Variants in LRRC45 observed in about 807,000 individuals in gnomAD.
The protein encoded by LRRC45 is leucine-rich repeat-containing protein 45.
LRRC45 carries 73 observed loss-of-function variants against 85.4 expected under a neutral mutation model. That is an observed-to-expected ratio of 0.85 (90% CI 0.71 to 1.04). LRRC45 has a LOEUF of 1.04. Among genes scored for constraint, LRRC45 ranks in the 50% least tolerant of loss-of-function variants. LRRC45 has a pLI of 0.00. For missense variants in LRRC45, 937 were observed against 883.3 expected, an observed-to-expected ratio of 1.06 and a Z score of -0.77; for synonymous variants, 429 against 386.0, an observed-to-expected ratio of 1.11 and a Z score of -1.31.
chr17:82,026,773 T>A, intron 5 of LRRC45, 126 bp from the exon 6 acceptor site: 1 of 653,754 alleles, frequency 1.5e-6, no homozygotes, highest in South Asian at 1.6e-5. Flanking sequence ...ACAGATGGGG[T>A]TTCACCATGT....
rs376735742 is a variant in LRRC45, at chr17:82,025,194, C to T, written c.532+16C>T. ...CAGCAGCTGGGTGAGGCCTCCCAGG[C>T]GCCCTCAGGCTCCCTCATCCCTCTG... On this transcript the variant is annotated intron_variant, in intron 4 of 16. Coordinates refer to ENST00000306688, the MANE Select transcript of LRRC45 (RefSeq NM_144999.4). The T allele has an allele frequency of 2.4e-4, 384 of 1,573,708 alleles. 6 individuals are homozygous for T. The South Asian group carries it at 3.2e-3, about 13-fold the overall frequency.
Position 82,028,086 on chromosome 17 carries a change from G to C in LRRC45, c.987G>C (p.Ala329=). ...AQDLGELLAT[A]EQEQLSLSQR... is the part of the protein sequence containing the mutation. Reference sequence around the variant, plus strand: ...ACCTGGGGGAGCTCCTGGCCACAGCGGAGCAGGAGCAGCTGAGCCTGTCAC... The same window carrying C: ...ACCTGGGGGAGCTCCTGGCCACAGCCGAGCAGGAGCAGCTGAGCCTGTCAC... The change falls in exon 9 of 17, where the codon GCG becomes GCC. Residue 329 remains alanine (A), a synonymous_variant. Transcript: ENST00000306688. 6.3e-7 allele frequency: 1 copy of C among 1,587,438 alleles called. No homozygotes were observed. The highest frequency in any genetic ancestry group is 8.6e-7 in the Non-Finnish European group (1 of 1,168,514).
At chr17:82,025,330 C>G in intron 4 of LRRC45, 49 bp from the exon 5 acceptor site, 2 of 1,536,400 alleles carry the variant, frequency 1.3e-6, no homozygotes, top group Non-Finnish European at 1.8e-6. Context: ...CAGGCCAGCT[C>G]CCCCTCTGCC....
intron 6 of LRRC45, among the ~76,000 whole-genome samples, 157 bp from the exon 7 acceptor site, chr17:82,027,229 G>A (rs1196456803): frequency 1.3e-5 from 2 of 152,220 alleles, no homozygotes; most frequent in Non-Finnish European, 2.9e-5. Context: ...GCCTCGCTCT[G>A]CAGGGGCCAC....
rs375239179 is a variant in LRRC45, at chr17:82,028,358, G to A, written c.1126-39G>A. ...AGGGAGCCCAGGGTGGGCGCGGCAG[G>A]GCTGGGCTGCAGCTTCCCTCCCTGG... On this transcript the variant is annotated intron_variant, in intron 10 of 16. Coordinates refer to ENST00000306688, the MANE Select transcript of LRRC45 (RefSeq NM_144999.4). 1.1e-5 allele frequency: 17 copies of A among 1,608,986 alleles called. No individual in the cohort carries two copies. The African/African-American group carries it at 1.9e-4, about 18-fold the overall frequency.
At position 82,023,731 on chromosome 17, in the gene LRRC45, C is replaced by T; in HGVS notation, c.88C>T (p.Leu30Phe). The T allele has an allele frequency of 6.4e-7, 1 of 1,550,934 alleles. No homozygotes were observed. The highest frequency in any genetic ancestry group is 8.7e-7 in the Non-Finnish European group (1 of 1,152,224). ...QEAVLQQLHQ[L>F]PRGRLDLATQ... ...GGCTGTCCTGCAGCAGCTGCACCAG[C>T]TTCCCAGGGGCCGGCTGGACCTGGC... Residue 30 changes from leucine (L) to phenylalanine (F), a missense_variant, in exon 1 of 17, where the codon CTT (leucine) becomes TTT (phenylalanine). Coordinates refer to ENST00000306688, the MANE Select transcript of LRRC45 (RefSeq NM_144999.4).
Position 82,024,308 on chromosome 17 carries a change from C to A in LRRC45, c.251C>A (p.Ala84Asp). Residue 84 changes from alanine (A) to aspartate (D), a missense_variant, in exon 2 of 17, where the codon GCC becomes GAC. By Grantham distance (126) the Ala-to-Asp change is moderately radical. Coordinates refer to ENST00000306688, the MANE Select transcript of LRRC45 (RefSeq NM_144999.4). ...ACACTGCTGCTCCGAGGCCTGTGTG[C>A]CAACACCGTGCTGCGCTTTCTGGAC... ...GATLLLRGLCANTVLRFLDLK... is the reference protein window; with the variant it reads ...GATLLLRGLCDNTVLRFLDLK... 3.7e-6 allele frequency: 6 copies of A among 1,612,448 alleles called. No individual in the cohort carries two copies. Among genetic ancestry groups the A allele is most frequent in the Non-Finnish European group, 5.1e-6 (6 of 1,179,932 alleles).
rs745768874 is a variant in LRRC45 at position 82,024,800 on chromosome 17, G to A, written c.353+37G>A. On this transcript the variant is annotated intron_variant, in intron 3 of 16. Transcript: ENST00000306688. ...TCCCGACCCCAGGCCCTGTCTCTGTGTGGTTGAGGATTGGCCCCGAGCACA... is the reference window on the plus strand; with the variant it reads ...TCCCGACCCCAGGCCCTGTCTCTGTATGGTTGAGGATTGGCCCCGAGCACA... 3.2e-6 allele frequency: 5 copies of A among 1,557,094 alleles called. No individual in the cohort carries two copies. In the South Asian group the frequency reaches 4.8e-5, roughly 15 times the overall value.
chr17:82,030,286 C>A (rs1809758001), intron 15 of LRRC45, 33 bp from the exon 16 acceptor site: 1 of 1,542,876 alleles, frequency 6.5e-7, no homozygotes, highest in Admixed American at 2.0e-5. Context: ...GCCCCCAACC[C>A]TCGCCTCACT....
chr17:82,024,623 C>A (rs1406874596), intron 2 of LRRC45, 70 bp from the exon 3 acceptor site: 23 of 1,510,568 alleles, frequency 1.5e-5, no homozygotes, highest in South Asian at 1.3e-5. Context: ...GACCAAGGCC[C>A]TTGGGGCATG....
In LRRC45 at chr17:82,030,870, C is replaced by A; in HGVS notation, c.*65C>A. 8.4e-7 allele frequency: 1 copy of A among 1,189,046 alleles called. No individual in the cohort carries two copies. The allele number at this position is 1,189,046 out of a possible 1,614,324, so 73.7% of individuals were successfully genotyped here. On this transcript the variant is annotated 3_prime_UTR_variant, in exon 17 of 17. Transcript: ENST00000306688. The stretch of plus-strand genomic sequence containing the variant: ...GGCGGCGCCCGAGATGGACCAGGGG[C>A]TGCGTCCCGCCCGCGCCGCCTCTTT...
rs1177677448 is a variant in LRRC45 at position 82,027,719 on chromosome 17, G to A, written c.879G>A (p.Glu293=). 10 of 1,611,054 alleles carry A rather than the reference G, an allele frequency of 6.2e-6. No homozygotes were observed. Among genetic ancestry groups the A allele is most frequent in the Non-Finnish European group, 8.5e-6 (10 of 1,179,280 alleles). The change falls in exon 8 of 17, where the codon GAG becomes GAA. Residue 293 remains glutamate (E), a synonymous_variant. Coordinates refer to ENST00000306688, the MANE Select transcript of LRRC45 (RefSeq NM_144999.4). ...GGCAGCTTCAGGAAGCCCTGAATGA[G>A]AGGCACTCCATCATCAACGCTCTCA... ...RVGQLQEALN[E]RHSIINALKA... is the part of the protein sequence containing the mutation.
intron 15 of LRRC45, 28 bp downstream of exon 15, chr17:82,030,266 G>A (rs779401115): frequency 5.9e-6 from 9 of 1,535,714 alleles, no homozygotes; most frequent in Non-Finnish European, 7.9e-6. Flanking sequence ...GGGGGGCCCC[G>A]GGCGTGCTAG....
At position 82,029,649 on chromosome 17, in the gene LRRC45, G is replaced by T. The variant is rs1222188024; in HGVS notation, c.1494+14G>T. 9 of 1,557,944 alleles carry T rather than the reference G, an allele frequency of 5.8e-6. No homozygotes were observed. The South Asian group carries it at 1.1e-4, about 18-fold the overall frequency. ...CGCCTGGAGGAGGTGAGCCACACAT[G>T]TCCGCCACCCTCCGGGGGAGCCAGG... is the stretch of plus-strand genomic sequence containing the variant. On this transcript the variant is annotated intron_variant, in intron 14 of 16. Coordinates refer to ENST00000306688, the MANE Select transcript of LRRC45 (RefSeq NM_144999.4).
At chr17:82,027,849 G>A in intron 8 of LRRC45, 98 bp downstream of exon 8, 1 of 1,528,826 alleles carries the variant, frequency 6.5e-7, no homozygotes, top group Non-Finnish European at 8.9e-7. Flanking sequence ...CAAAGCAGAG[G>A]TGGGAAATGG....
At chr17:82,029,398 C>A (rs559970705) in intron 13 of LRRC45, 145 bp from the exon 14 acceptor site, 15 of 997,536 alleles carry the variant, frequency 1.5e-5, no homozygotes, top group Admixed American at 4.6e-5. Flanking sequence ...CCTTGCCCAG[C>A]GAGCTAGGTG....
chr17:82,031,039 G>C lies in LRRC45; in HGVS notation c.*234G>C, dbSNP rs1272092810. 5.1e-6 allele frequency: 2 copies of C among 393,338 alleles called. No individual in the cohort carries two copies. The highest frequency in any genetic ancestry group is 4.4e-5 in the Admixed American group (1 of 22,532). 24.4% of individuals were successfully genotyped at this position (393,338 alleles called of 1,614,324 possible). A position where few individuals can be genotyped will look rare whatever the true frequency, so the allele number is the denominator to read the frequency against. ...TCGACGCCACGTGGGAGCACACCGGGAAGGGGTCCCGCGGGCGCGTCTCCC... is the reference window on the plus strand; with the variant it reads ...TCGACGCCACGTGGGAGCACACCGGCAAGGGGTCCCGCGGGCGCGTCTCCC... On this transcript the variant is annotated 3_prime_UTR_variant, in exon 17 of 17. Coordinates refer to ENST00000306688, the MANE Select transcript of LRRC45 (RefSeq NM_144999.4).
chr17:82,024,569 G>T, intron 2 of LRRC45, 124 bp from the exon 3 acceptor site: 1 of 1,177,508 alleles, frequency 8.5e-7, no homozygotes. Context: ...GAGCCCAGGA[G>T]CTGAGGAAGG....
At position 82,023,780 on chromosome 17, in the gene LRRC45, C is replaced by T; in HGVS notation, c.137C>T (p.Thr46Ile). Reference sequence around the variant, plus strand: ...GCCACGCAAAGCCTGACGGTGGAGACCTGCAGGGCCCTGGGCAAGCTGCTG... The same window carrying T: ...GCCACGCAAAGCCTGACGGTGGAGATCTGCAGGGCCCTGGGCAAGCTGCTG... ...DLATQSLTVETCRALGKLLPR... is the reference protein window; with the variant it reads ...DLATQSLTVEICRALGKLLPR... Residue 46 changes from threonine to isoleucine, a missense_variant, in exon 1 of 17, where the codon ACC (threonine) becomes ATC (isoleucine). Transcript: ENST00000306688. 6.4e-7 allele frequency: 1 copy of T among 1,564,872 alleles called. No homozygotes were observed. Among genetic ancestry groups the T allele is most frequent in the Non-Finnish European group, 8.6e-7 (1 of 1,157,522 alleles).
Sources: allele counts gnomAD v4.1 joint callset (sites outside exome capture counted in the v4.1 genomes callset), GRCh38; gene constraint gnomAD v4.1.1; transcripts MANE v1.5; gene names NCBI Gene and HGNC (gene_info 2026-07-23, HGNC 2026-07-21).